AXDND1: variants seen among roughly 807,000 people sequenced by gnomAD.
AXDND1 encodes axonemal dynein light chain domain containing 1, also known as axonemal dynein light chain domain-containing protein 1.
AXDND1 carries 110 observed loss-of-function variants against 137.5 expected under a neutral mutation model. The ratio of observed to expected loss-of-function variants is 0.80; its 90% CI spans 0.69 to 0.94. The LOEUF (loss-of-function observed/expected upper bound fraction) is 0.94, where lower values mean the gene tolerates loss of function less well. Among genes scored for constraint, AXDND1 ranks in the 40% least tolerant of loss-of-function variants. AXDND1 has a pLI of 0.00. For synonymous variants in AXDND1, 414 were observed against 399.7 expected, an observed-to-expected ratio of 1.04 and a Z score of -0.43; for missense variants, 1,191 against 1,169.8, an observed-to-expected ratio of 1.02 and a Z score of -0.26.
chr1:179,510,707 G>A (rs1668961568), intron 21 of AXDND1, among the ~76,000 whole-genome samples: 1 of 152,066 alleles, frequency 6.6e-6, no homozygotes, highest in Non-Finnish European at 1.5e-5. Flanking sequence ...GGAATTTAAA[G>A]GCAATTGAAT....
At chr1:179,374,813 C>T (rs1192652533) in intron 4 of AXDND1, among the ~76,000 whole-genome samples, 38 of 68,950 alleles carry the variant, frequency 5.5e-4, no homozygotes, top group African/African-American at 1.3e-3. Flanking sequence ...CATCACACAC[C>T]GGGGCCTGTC....
rs141755749 is a variant in AXDND1, at chr1:179,376,353, G to A, written c.375-2284G>A. On this transcript the variant is annotated intron_variant, in intron 4 of 25. Transcript: ENST00000367618. The stretch of plus-strand genomic sequence containing the variant: ...AGTCAGAAACTCATGTATATATATG[G>A]AAAGTTGGCCCTCTGTATATGAGGG... Among the ~76,000 whole-genome samples the A allele has an allele frequency of 2.7e-3, 416 of 152,210 alleles. 6 individuals carry two copies. Among genetic ancestry groups the A allele is most frequent in the Admixed American group, 0.014 (207 of 15,286 alleles).
chr1:179,491,485 ACT>A, intron 18 of AXDND1, 51 bp from the exon 19 acceptor site: 1 of 1,217,562 alleles, frequency 8.2e-7, no homozygotes, highest in Non-Finnish European at 1.2e-6. Context: ...TGTGATTTTT[ACT>A]GTTTGATTTA....
chr1:179,521,120 C>A (rs1033601910), intron 21 of AXDND1, among the ~76,000 whole-genome samples: 2 of 151,960 alleles, frequency 1.3e-5, no homozygotes, highest in African/African-American at 4.8e-5. Flanking sequence ...TGGCACCATG[C>A]CTGGCTAATT....
intron 9 of AXDND1, among the ~76,000 whole-genome samples, chr1:179,389,913 G>C (rs188109697): frequency 3.3e-5 from 5 of 152,096 alleles, no homozygotes. Flanking sequence ...TTAAAGCAAG[G>C]GCTGGATAAT....
intron 10 of AXDND1, among the ~76,000 whole-genome samples, chr1:179,394,860 A>C (rs1306522377): frequency 6.6e-6 from 1 of 152,028 alleles, no homozygotes; most frequent in Admixed American, 6.6e-5. Flanking sequence ...ATTCTAAAGG[A>C]TCTCCCCTAC....
At chr1:179,519,098 T>C (rs1669817637) in intron 21 of AXDND1, among the ~76,000 whole-genome samples, 1 of 152,244 alleles carries the variant, frequency 6.6e-6, no homozygotes, top group Non-Finnish European at 1.5e-5. Flanking sequence ...TGGTGTTAGA[T>C]GGTAGCTCAT....
At chr1:179,444,476 A>G (rs1293373384) in intron 15 of AXDND1, among the ~76,000 whole-genome samples, 2 of 152,146 alleles carry the variant, frequency 1.3e-5, no homozygotes, top group African/African-American at 2.4e-5. Flanking sequence ...CAAATTATAT[A>G]TATAAATTGT....
chr1:179,378,581 TATG>T, intron 4 of AXDND1, 53 bp from the exon 5 acceptor site: 1 of 1,342,426 alleles, frequency 7.4e-7, no homozygotes, highest in Non-Finnish European at 1.0e-6. Flanking sequence ...CACCTGCTGT[TATG>T]TGGTATCCAG....
At chr1:179,395,348 T>C (rs1650888829) in intron 11 of AXDND1, 146 bp downstream of exon 11, 1 of 629,324 alleles carries the variant, frequency 1.6e-6, no homozygotes, top group African/African-American at 1.8e-5. Context: ...AGTTGATTTC[T>C]CATTCTGGGT....
At chr1:179,506,529 C>T (rs1186043056) in intron 20 of AXDND1, among the ~76,000 whole-genome samples, 2 of 152,062 alleles carry the variant, frequency 1.3e-5, no homozygotes, top group Admixed American at 1.3e-4. Context: ...GTCAGCAGTT[C>T]GAGACCAGCC....
intron 21 of AXDND1, among the ~76,000 whole-genome samples, chr1:179,511,393 G>GGGGTGTGTGT (rs146749734): frequency 7.6e-5 from 11 of 145,076 alleles, no homozygotes; most frequent in African/African-American, 2.5e-4. Context: ...TGGTATATGG[G>GGGGTGTGTGT]GTGTGTGTGT....
chr1:179,551,510 C>T, intron 25 of AXDND1: 1 of 1,599,408 alleles, frequency 6.3e-7, no homozygotes, highest in Non-Finnish European at 8.5e-7. Flanking sequence ...GGCTTCACCA[C>T]TATGCAGTAT....
chr1:179,427,953 TAAAA>T (rs10548259), intron 12 of AXDND1, among the ~76,000 whole-genome samples: 9 of 144,068 alleles, frequency 6.2e-5, no homozygotes, highest in Non-Finnish European at 7.5e-5. Context: ...GCAATCCATG[TAAAA>T]AAAAAAAAAA....
intron 17 of AXDND1, among the ~76,000 whole-genome samples, chr1:179,474,230 A>G (rs1271611284): frequency 1.3e-5 from 2 of 151,998 alleles, no homozygotes; most frequent in East Asian, 1.9e-4. Context: ...AAAAAAAAAA[A>G]AACTTACCTA....
intron 12 of AXDND1, among the ~76,000 whole-genome samples, chr1:179,418,755 G>A (rs1655138514): frequency 6.6e-6 from 1 of 152,086 alleles, no homozygotes; most frequent in African/African-American, 2.4e-5. Flanking sequence ...TGGCTGCCGG[G>A]CGGAGACGCT....
At chr1:179,396,133 C>T (rs1651013377) in intron 11 of AXDND1, among the ~76,000 whole-genome samples, 1 of 149,684 alleles carries the variant, frequency 6.7e-6, no homozygotes, top group South Asian at 2.1e-4. Context: ...TGTGCCACTG[C>T]ACTCCAGCCT....
chr1:179,374,916 A>G (rs1195819130), intron 4 of AXDND1, among the ~76,000 whole-genome samples: 4 of 152,028 alleles, frequency 2.6e-5, no homozygotes, highest in East Asian at 1.9e-4. Flanking sequence ...AACATGGCAC[A>G]TGTATATGTA....
intron 20 of AXDND1, among the ~76,000 whole-genome samples, chr1:179,502,074 G>A (rs1178784099): frequency 6.6e-6 from 1 of 152,094 alleles, no homozygotes; most frequent in Non-Finnish European, 1.5e-5. Flanking sequence ...CCAGTATCCA[G>A]AATAGAAAAT....
Sources: allele counts gnomAD v4.1 joint callset (sites outside exome capture counted in the v4.1 genomes callset), GRCh38; gene constraint gnomAD v4.1.1; transcripts MANE v1.5; gene names NCBI Gene and HGNC (gene_info 2026-07-23, HGNC 2026-07-21).